Variants in PLPPR1 observed in about 807,000 individuals in gnomAD.
PLPPR1 encodes the protein phospholipid phosphatase-related protein type 1.
PLPPR1 carries 10 observed loss-of-function variants against 33.1 expected under a neutral mutation model. The ratio of observed to expected loss-of-function variants is 0.30; its 90% confidence interval spans 0.19 to 0.51. The LOEUF (loss-of-function observed/expected upper bound fraction) is 0.51, where lower values mean the gene tolerates loss of function less well. Ranked by LOEUF, PLPPR1 falls within the 20% of genes least tolerant of loss-of-function variation. The probability of loss-of-function intolerance (pLI) is 0.97; values close to 1 mark genes in which losing one functional copy is unlikely to be tolerated. For synonymous variants in PLPPR1, 151 were observed against 151.0 expected (o/e 1.00, Z 0.00); for missense variants, 304 against 408.1 (o/e 0.74, Z 2.20).
chr9:101,161,797 G>A (rs1445213269), intron 1 of PLPPR1, among the ~76,000 whole-genome samples: 1 of 152,044 alleles, frequency 6.6e-6, no homozygotes, highest in Non-Finnish European at 1.5e-5. Context: ...GAAACTCTAA[G>A]CATAGGTTGG....
intron 1 of PLPPR1, among the ~76,000 whole-genome samples, chr9:101,089,090 G>C (rs10989395): frequency 1.3e-5 from 2 of 152,024 alleles, no homozygotes; most frequent in African/African-American, 4.8e-5. Flanking sequence ...GGAGACTGGC[G>C]TATAATAGTG....
chr9:101,171,317 C>T (rs560906679), intron 1 of PLPPR1, among the ~76,000 whole-genome samples: 1 of 152,128 alleles, frequency 6.6e-6, no homozygotes, highest in Admixed American at 6.6e-5. Context: ...CCTGGAATTA[C>T]CCCTGGGTCT....
chr9:101,295,402 A>G (rs1017294968), intron 4 of PLPPR1, among the ~76,000 whole-genome samples: 7 of 151,986 alleles, frequency 4.6e-5, no homozygotes, highest in Non-Finnish European at 1.0e-4. Flanking sequence ...ATTCAATGCC[A>G]TCTCCATCAA....
chr9:101,309,555 G>T, intron 5 of PLPPR1, 94 bp downstream of exon 5: 2 of 1,384,520 alleles, frequency 1.4e-6, no homozygotes, highest in Non-Finnish European at 2.0e-6. Flanking sequence ...CACTTATAGC[G>T]ACTCTTAAAT....
At chr9:101,238,277 A>G (rs976748780) in intron 2 of PLPPR1, among the ~76,000 whole-genome samples, 1 of 135,758 alleles carries the variant, frequency 7.4e-6, no homozygotes, top group African/African-American at 2.7e-5. Context: ...CTATATATAC[A>G]TCCTATATAC....
chr9:101,182,447 C>T (rs1440110421), intron 1 of PLPPR1, among the ~76,000 whole-genome samples: 4 of 151,622 alleles, frequency 2.6e-5, no homozygotes. Context: ...CTGATTTAAT[C>T]ATTTCATATT....
intron 1 of PLPPR1, chr9:101,125,447 CT>C (rs895242084): frequency 4.8e-5 from 11 of 231,348 alleles, no homozygotes; most frequent in South Asian, 7.1e-5. Context: ...TCCTGGAAAC[CT>C]TTTTTATGAC....
rs1830088679 is a variant in PLPPR1, at chr9:101,042,527, A to G, written c.-46+13425A>G. Among the ~76,000 whole-genome samples, 3 of 152,214 alleles carry G rather than the reference A, an allele frequency of 2.0e-5. No homozygotes were observed. The South Asian group carries it at 6.2e-4, about 32-fold the overall frequency. On this transcript the variant is annotated intron_variant, in intron 1 of 7. Coordinates refer to ENST00000374874, the MANE Select transcript of PLPPR1 (RefSeq NM_207299.2). ...ATGCCACATTGGACACCATCCTGATAATAATGATGGGTTACCTGCCAAGGT... is the reference window on the plus strand; with the variant it reads ...ATGCCACATTGGACACCATCCTGATGATAATGATGGGTTACCTGCCAAGGT...
chr9:101,167,467 C>G (rs1290140685), intron 1 of PLPPR1, among the ~76,000 whole-genome samples: 1 of 151,626 alleles, frequency 6.6e-6, no homozygotes, highest in Non-Finnish European at 1.5e-5. Flanking sequence ...GAATTCTAGT[C>G]TCTCAGGGCA....
chr9:101,273,359 C>T (rs113765388), intron 3 of PLPPR1, among the ~76,000 whole-genome samples: 12 of 152,302 alleles, frequency 7.9e-5, no homozygotes, highest in South Asian at 2.1e-4. Flanking sequence ...TGTGGATCCC[C>T]GGAAACTATG....
At chr9:101,142,510 A>T (rs1783685984) in intron 1 of PLPPR1, among the ~76,000 whole-genome samples, 1 of 152,150 alleles carries the variant, frequency 6.6e-6, no homozygotes, top group African/African-American at 2.4e-5. Flanking sequence ...CTCTGTGATT[A>T]GTCTTTGCTT....
intron 1 of PLPPR1, among the ~76,000 whole-genome samples, chr9:101,033,252 G>T (rs978672361): frequency 1.3e-5 from 2 of 152,172 alleles, no homozygotes; most frequent in Non-Finnish European, 2.9e-5. Flanking sequence ...TACAGGGAGT[G>T]CAACAGAAGG....
chr9:101,233,180 C>T (rs1243975153), intron 2 of PLPPR1, among the ~76,000 whole-genome samples: 1 of 151,912 alleles, frequency 6.6e-6, no homozygotes, highest in East Asian at 1.9e-4. Flanking sequence ...TTTCATTTAC[C>T]AACAGATGGC....
intron 2 of PLPPR1, among the ~76,000 whole-genome samples, chr9:101,199,615 G>A (rs1258433491): frequency 6.6e-6 from 1 of 152,136 alleles, no homozygotes; most frequent in Non-Finnish European, 1.5e-5. Context: ...CTGGCAAAGT[G>A]TTAACTCATC....
rs533792555 is a variant in PLPPR1 at position 101,270,964 on chromosome 9, G to A, written c.252+896G>A. Among the ~76,000 whole-genome samples the A allele has an allele frequency of 2.6e-5, 4 of 152,176 alleles. No homozygotes were observed. In the South Asian group the frequency reaches 8.3e-4, roughly 32 times the overall value. ...ACTGACTGGCATGCCGAGGAATATA[G>A]CAATTGCTTAGATATTCAGTTCGAA... is the stretch of plus-strand genomic sequence containing the variant. On this transcript the variant is annotated intron_variant, in intron 3 of 7. Transcript: ENST00000374874.
At chr9:101,210,480 A>C (rs1325212030) in intron 2 of PLPPR1, among the ~76,000 whole-genome samples, 1 of 151,954 alleles carries the variant, frequency 6.6e-6, no homozygotes, top group Non-Finnish European at 1.5e-5. Context: ...GGGGTACTTG[A>C]CTTTTTTTTC....
At chr9:101,113,747 G>T (rs1588033923) in intron 1 of PLPPR1, among the ~76,000 whole-genome samples, 1 of 151,898 alleles carries the variant, frequency 6.6e-6, no homozygotes, top group Admixed American at 6.6e-5. Flanking sequence ...CCAAACTCCT[G>T]CATTGTTGAT....
intron 3 of PLPPR1, among the ~76,000 whole-genome samples, chr9:101,280,604 G>A (rs1242232009): frequency 1.3e-5 from 2 of 152,036 alleles, no homozygotes; most frequent in African/African-American, 4.8e-5. Context: ...TTTATCCCAG[G>A]GATGCAAGGA....
chr9:101,037,273 A>G (rs553187024), intron 1 of PLPPR1, among the ~76,000 whole-genome samples: 16 of 152,284 alleles, frequency 1.1e-4, no homozygotes, highest in African/African-American at 3.6e-4. Context: ...ATGATAGTCC[A>G]TATTGTATAT....
Sources: allele counts gnomAD v4.1 joint callset (sites outside exome capture counted in the v4.1 genomes callset), GRCh38; gene constraint gnomAD v4.1.1; transcripts MANE v1.5; gene names NCBI Gene and HGNC (gene_info 2026-07-23, HGNC 2026-07-21).